The following EDRF1 variants were observed in gnomAD, a reference collection of about 807,000 sequenced individuals.
EDRF1 encodes the protein erythroid differentiation regulatory factor 1, also known as erythroid differentiation-related factor 1.
A neutral mutation model predicts 148.7 loss-of-function variants in EDRF1; 69 were observed. That is an observed-to-expected ratio of 0.46 (90% CI 0.38 to 0.57). The LOEUF is 0.57. Ranked by LOEUF, EDRF1 falls within the 20% of genes least tolerant of loss-of-function variation. The pLI is 0.00. For synonymous variants in EDRF1, 515 were observed against 532.8 expected (o/e 0.97, Z 0.46); for missense variants, 1,118 against 1,478.7 (o/e 0.76, Z 4.00).
chr10:125,748,143 T>A, intron 21 of EDRF1, 131 bp downstream of exon 21: 1 of 1,083,900 alleles, frequency 9.2e-7, no homozygotes, highest in Non-Finnish European at 1.4e-6. Context: ...CTAAATTTTC[T>A]GCTGCGTCTG....
At position 125,745,866 on chromosome 10, in the gene EDRF1, A is replaced by G. The variant is rs762904356; in HGVS notation, c.2750A>G (p.His917Arg). Residue 917 changes from histidine (H) to arginine (R), a missense_variant, in exon 19 of 25, where the codon CAC (histidine) becomes CGC (arginine). Around this residue, in one of 3 missense-constraint regions of EDRF1, gnomAD observed 954 missense variants for 1,241.4 expected, o/e 0.77. Transcript: ENST00000356792. ...GRLMRICAQA[H>R]CGAGDELKRE... ...CTCATGCGGATTTGTGCGCAGGCCC[A>G]CTGTGGTGCAGGGGATGAACTGAAA... 1.9e-6 allele frequency: 3 copies of G among 1,614,142 alleles called. No individual in the cohort carries two copies. The highest frequency in any genetic ancestry group is 2.2e-5 in the East Asian group (1 of 44,904).
chr10:125,741,675 G>C (rs1849026447), intron 17 of EDRF1: 1 of 167,322 alleles, frequency 6.0e-6, no homozygotes, highest in Non-Finnish European at 1.3e-5. Context: ...AGACAGTTGT[G>C]TCAACTTTTT....
chr10:125,720,791 A>C (rs569611132), intron 1 of EDRF1, among the ~76,000 whole-genome samples: 2 of 145,646 alleles, frequency 1.4e-5, no homozygotes, highest in South Asian at 4.6e-4. Flanking sequence ...AGCCTGGGCG[A>C]CAAAGCAAGA....
rs1849324141 is a variant in EDRF1, at chr10:125,745,822, A to G, written c.2706A>G (p.Leu902=). 4 of 1,614,116 alleles carry G rather than the reference A, an allele frequency of 2.5e-6. No individual in the cohort carries two copies. Among genetic ancestry groups the G allele is most frequent in the Non-Finnish European group, 3.4e-6 (4 of 1,180,050 alleles). Residue 902 remains leucine, a synonymous_variant, in exon 19 of 25, where the codon TTA becomes TTG. Coordinates refer to ENST00000356792, the MANE Select transcript of EDRF1 (RefSeq NM_001202438.2). ...SIEDATNAAL[L]LCNTGRLMRI... is the part of the protein sequence containing the mutation. Reference sequence around the variant, plus strand: ...AGGATGCCACCAATGCCGCCCTTTTATTATGTAACACGGGAAGGCTCATGC... The same window carrying G: ...AGGATGCCACCAATGCCGCCCTTTTGTTATGTAACACGGGAAGGCTCATGC...
chr10:125,743,996 A>T (rs1373429297), intron 18 of EDRF1, among the ~76,000 whole-genome samples: 1 of 152,200 alleles, frequency 6.6e-6, no homozygotes, highest in Non-Finnish European at 1.5e-5. Context: ...TGGAACATGT[A>T]TGTGAAAGGT....
rs756241297 is a variant in EDRF1 at position 125,747,584 on chromosome 10, A to T, written c.2863A>T (p.Ile955Leu). ...KALRSLGTRD[I>L]HPAVWDSVNW... ...GCTAAGGTCATTGGGAACACGAGAC[A>T]TACACCCAGCTGTTTGGGATTCAGT... The change falls in exon 20 of 25, where the codon ATA (isoleucine) becomes TTA (leucine). Residue 955 changes from isoleucine to leucine, a missense_variant. By Grantham distance (5) the Ile-to-Leu change is conservative (BLOSUM62 2). This residue lies in a region of EDRF1 where 954 missense variants were observed against 1,241.4 expected (regional missense o/e 0.77). Transcript: ENST00000356792. 1 of 1,614,204 alleles carries T rather than the reference A, an allele frequency of 6.2e-7. No individual in the cohort carries two copies. The highest frequency in any genetic ancestry group is 1.7e-5 in the Admixed American group (1 of 60,020).
chr10:125,739,269 C>T (rs144507475), intron 15 of EDRF1, among the ~76,000 whole-genome samples: 59 of 152,308 alleles, frequency 3.9e-4, no homozygotes, highest in Admixed American at 9.8e-4. Flanking sequence ...TTATATAGTG[C>T]TGCTGGTATG....
chr10:125,731,886 C>T (rs1848492144), intron 9 of EDRF1: 2 of 453,028 alleles, frequency 4.4e-6, no homozygotes, highest in Non-Finnish European at 8.9e-6. Flanking sequence ...GCTGTTATTC[C>T]TATTTGATGG....
intron 12 of EDRF1, 113 bp from the exon 13 acceptor site, chr10:125,735,531 A>G (rs948837207): frequency 5.1e-6 from 5 of 988,650 alleles, no homozygotes; most frequent in Admixed American, 4.1e-5. Context: ...TACAGTCTAT[A>G]TGGTGGAAAC....
At chr10:125,729,631 CAG>C in intron 8 of EDRF1, 152 bp downstream of exon 8, 3 of 1,060,404 alleles carry the variant, frequency 2.8e-6, no homozygotes, top group Non-Finnish European at 4.3e-6. Flanking sequence ...AAAAAAGAAT[CAG>C]TGTTCCATCT....
intron 23 of EDRF1, 111 bp from the exon 24 acceptor site, chr10:125,753,583 T>C: frequency 8.2e-7 from 1 of 1,214,982 alleles, no homozygotes; most frequent in Middle Eastern, 1.9e-4. Flanking sequence ...GTTTGTCTTG[T>C]TTAGGGTTAA....
intron 11 of EDRF1, 128 bp from the exon 12 acceptor site, chr10:125,733,944 A>G: frequency 2.2e-6 from 2 of 913,886 alleles, no homozygotes; most frequent in Non-Finnish European, 3.5e-6. Context: ...TTGTGGGTAA[A>G]GTGTAAAGTT....
intron 17 of EDRF1, chr10:125,742,748 G>A: frequency 2.0e-6 from 2 of 985,024 alleles, no homozygotes; most frequent in Non-Finnish European, 2.4e-6. Flanking sequence ...ACTTTACTTT[G>A]TATTAGTGGA....
In EDRF1 at chr10:125,740,471, C is replaced by T. The variant is rs1196104754; in HGVS notation, c.1990C>T (p.Leu664Phe). The T allele has an allele frequency of 6.2e-7, 1 of 1,613,942 alleles. No individual in the cohort carries two copies. The highest frequency in any genetic ancestry group is 1.3e-5 in the African/African-American group (1 of 74,894). The change falls in exon 16 of 25, where the codon CTT becomes TTT. Residue 664 changes from leucine to phenylalanine, a missense_variant. Around this residue, in one of 3 missense-constraint regions of EDRF1, gnomAD observed 954 missense variants for 1,241.4 expected, o/e 0.77. Coordinates refer to ENST00000356792, the MANE Select transcript of EDRF1 (RefSeq NM_001202438.2). ...MALFLDKMGS[L>F]QKGNYSSQSG... ...TTCTCTCCATGTCACAGTGGGCTCC[C>T]TTCAGAAGGGCAATTATTCCAGTCA...
chr10:125,738,359 C>T lies in EDRF1; in HGVS notation c.1895C>T (p.Thr632Ile). 1 of 1,614,108 alleles carries T rather than the reference C, an allele frequency of 6.2e-7. No individual in the cohort carries two copies. Among genetic ancestry groups the T allele is most frequent in the Non-Finnish European group, 8.5e-7 (1 of 1,180,024 alleles). ...GACCTTCCAGCAGCTGACCCCAGCA[C>T]TCCAATCCCGTTAAAATATGAAGAT... Reference protein sequence around the residue: ...ESDLPAADPSTPIPLKYEDES... With the variant: ...ESDLPAADPSIPIPLKYEDES... Residue 632 changes from threonine to isoleucine, a missense_variant, in exon 15 of 25, where the codon ACT becomes ATT. Coordinates refer to ENST00000356792, the MANE Select transcript of EDRF1 (RefSeq NM_001202438.2).
intron 21 of EDRF1, chr10:125,748,605 T>G (rs529056503): frequency 6.0e-6 from 1 of 166,430 alleles, no homozygotes; most frequent in Non-Finnish European, 1.3e-5. Flanking sequence ...CCCCGTAAGG[T>G]AAGACTACTT....
chr10:125,726,015 G>A (rs555844801), intron 6 of EDRF1, 177 bp downstream of exon 6: 25 of 777,796 alleles, frequency 3.2e-5, no homozygotes, highest in Admixed American at 5.7e-5. Context: ...TTAGTTTTTC[G>A]CAATAGAATT....
At chr10:125,754,330 A>T (rs1849788887) in intron 24 of EDRF1, among the ~76,000 whole-genome samples, 1 of 152,204 alleles carries the variant, frequency 6.6e-6, no homozygotes, top group African/African-American at 2.4e-5. Context: ...CTAGGTAAGA[A>T]CCCTCTCCAC....
At chr10:125,751,404 G>GTTTTTTTTTTTTTTT (rs60964364) in intron 22 of EDRF1, among the ~76,000 whole-genome samples, 3 of 140,698 alleles carry the variant, frequency 2.1e-5, no homozygotes, top group Non-Finnish European at 3.0e-5. Context: ...TTTACCCAGT[G>GTTTTTTTTTTTTTTT]TTTTTTTTTT....
Sources: allele counts gnomAD v4.1 joint callset (sites outside exome capture counted in the v4.1 genomes callset), GRCh38; gene constraint gnomAD v4.1.1; regional missense constraint gnomAD v4.1.1; transcripts MANE v1.5; gene names NCBI Gene and HGNC (gene_info 2026-07-23, HGNC 2026-07-21).